SUCLG1: variants seen among roughly 807,000 people sequenced by gnomAD.
SUCLG1 encodes succinate--CoA ligase [ADP/GDP-forming] subunit alpha, mitochondrial.
In SUCLG1, 26 loss-of-function variants were observed where a neutral mutation model predicts 37.3. The ratio of observed to expected loss-of-function variants is 0.70; its 90% CI spans 0.51 to 0.97. The LOEUF (loss-of-function observed/expected upper bound fraction) is 0.97, where lower values mean the gene tolerates loss of function less well. Ranked by LOEUF, SUCLG1 falls within the 50% of genes least tolerant of loss-of-function variation. The pLI, the probability that SUCLG1 is intolerant of heterozygous loss-of-function variation, is 0.00. For missense variants in SUCLG1, 433 were observed against 432.9 expected (o/e 1.00, Z 0.00); for synonymous variants, 163 against 155.6 (o/e 1.05, Z -0.36).
intron 8 of SUCLG1, among the ~76,000 whole-genome samples, chr2:84,424,759 C>T (rs1257043080): frequency 1.3e-5 from 2 of 151,854 alleles, no homozygotes; most frequent in East Asian, 3.9e-4. Flanking sequence ...CTCAAAGAGA[C>T]AAGCTGAAAA....
At chr2:84,442,352 G>C (rs1435097805) in intron 3 of SUCLG1, among the ~76,000 whole-genome samples, 1 of 152,104 alleles carries the variant, frequency 6.6e-6, no homozygotes, top group Admixed American at 6.5e-5. Context: ...TTAAAAATAT[G>C]CAAAAGAAGA....
intron 1 of SUCLG1, among the ~76,000 whole-genome samples, chr2:84,451,859 T>C (rs984511124): frequency 3.9e-5 from 6 of 152,168 alleles, no homozygotes; most frequent in Non-Finnish European, 7.4e-5. Context: ...CAGACCCACT[T>C]CTAGATAAGC....
rs12104696 is a variant in SUCLG1, at chr2:84,423,980, G to A, written c.1015-208C>T. Among the ~76,000 whole-genome samples, 3,408 of 152,256 alleles carry A rather than the reference G, an allele frequency of 0.022. 119 individuals are homozygous for A. Among genetic ancestry groups the A allele is most frequent in the African/African-American group, 0.077 (3,209 of 41,532 alleles). The stretch of plus-strand genomic sequence containing the variant: ...CAGTCTGTGTCAGCCTGAATTTCAC[G>A]AAACAGATGCAGAGCTTCAACTTTA... On this transcript the variant is annotated intron_variant, in intron 8 of 8. Transcript: ENST00000393868.
At chr2:84,424,106 T>G (rs1672496048) in intron 8 of SUCLG1, among the ~76,000 whole-genome samples, 1 of 152,252 alleles carries the variant, frequency 6.6e-6, no homozygotes. Context: ...AACTTCATTA[T>G]GCTTCTGTAG....
chr2:84,442,928 C>T (rs1672796499), intron 3 of SUCLG1, among the ~76,000 whole-genome samples: 1 of 152,168 alleles, frequency 6.6e-6, no homozygotes. Context: ...GAGGCCTGAA[C>T]AGGGCAATTT....
At chr2:84,438,125 G>A (rs1672715092) in intron 5 of SUCLG1, among the ~76,000 whole-genome samples, 1 of 152,188 alleles carries the variant, frequency 6.6e-6, no homozygotes, top group Non-Finnish European at 1.5e-5. Context: ...TTATAGAAAA[G>A]TTCTCTATAT....
At chr2:84,452,564 C>G (rs1672956409) in intron 1 of SUCLG1, among the ~76,000 whole-genome samples, 1 of 152,216 alleles carries the variant, frequency 6.6e-6, no homozygotes, top group Admixed American at 6.5e-5. Flanking sequence ...ATAGAAGCTA[C>G]AAACGCTTTC....
At chr2:84,459,061 G>T in intron 1 of SUCLG1, 112 bp downstream of exon 1, 1 of 1,118,928 alleles carries the variant, frequency 8.9e-7, no homozygotes, top group South Asian at 1.7e-5. Flanking sequence ...CGGCTCCCAG[G>T]CCCCCGCCGA....
intron 5 of SUCLG1, among the ~76,000 whole-genome samples, chr2:84,438,365 A>T (rs888455525): frequency 2.0e-5 from 3 of 152,240 alleles, no homozygotes; most frequent in Non-Finnish European, 4.4e-5. Context: ...AAGAGAAATA[A>T]ATAACATGGT....
At chr2:84,428,183 T>A (rs761689151) in intron 7 of SUCLG1, among the ~76,000 whole-genome samples, 21 of 152,192 alleles carry the variant, frequency 1.4e-4, no homozygotes, top group Admixed American at 5.9e-4. Context: ...TTTTAAGATC[T>A]GACTCTAGCT....
At position 84,433,411 on chromosome 2, in the gene SUCLG1, A is replaced by G; in HGVS notation, c.614T>C (p.Leu205Pro). 1 of 1,613,958 alleles carries G rather than the reference A, an allele frequency of 6.2e-7. No homozygotes were observed. Among genetic ancestry groups the G allele is most frequent in the Non-Finnish European group, 8.5e-7 (1 of 1,179,894 alleles). The change falls in exon 6 of 9, where the codon CTG becomes CCG. Residue 205 changes from leucine (L) to proline (P), a missense_variant. Leu to Pro is a moderately conservative substitution (Grantham distance 98, BLOSUM62 -3). Transcript: ENST00000393868. ...TGTTTGGTGAACTGCTTCATAAGTC[A>G]GGGTGCCAGATCTGGACACAATGCC... is the stretch of plus-strand genomic sequence containing the variant. ...RIGIVSRSGT[L>P]TYEAVHQTTQ...
intron 1 of SUCLG1, among the ~76,000 whole-genome samples, chr2:84,452,486 T>A (rs1213885515): frequency 1.3e-5 from 2 of 152,182 alleles, no homozygotes; most frequent in Non-Finnish European, 2.9e-5. Context: ...AATTCCTATA[T>A]CTTCACACGA....
rs116291654 is a variant in SUCLG1, at chr2:84,428,400, G to A, written c.826-2797C>T. On this transcript the variant is annotated intron_variant, in intron 7 of 8. Transcript: ENST00000393868. The stretch of plus-strand genomic sequence containing the variant: ...CAGAGGTTATATTTTCACTAACTTC[G>A]GTATGCCTGGCACCTACTGTAGTAC... Among the ~76,000 whole-genome samples the A allele has an allele frequency of 6.3e-3, 954 of 152,056 alleles. 8 individuals carry two copies. The highest frequency in any genetic ancestry group is 0.022 in the African/African-American group (896 of 41,466).
chr2:84,459,193 A>G lies in SUCLG1; in HGVS notation c.77T>C (p.Leu26Pro). 6.5e-7 allele frequency: 1 copy of G among 1,549,928 alleles called. No homozygotes were observed. The highest frequency in any genetic ancestry group is 8.7e-7 in the Non-Finnish European group (1 of 1,146,602). ...CTCACGGAGGAAGCTGCGCGACAGG[A>G]GACGGGCGGCGGCGAGGCCGCTGCT... is the stretch of plus-strand genomic sequence containing the variant. ...SGSSGLAAAR[L>P]LSRSFLLPQN... The change falls in exon 1 of 9, where the codon CTC (leucine) becomes CCC (proline). Residue 26 changes from leucine (L) to proline (P), a missense_variant. Leu to Pro is a moderately conservative substitution (Grantham distance 98). Coordinates refer to ENST00000393868, the MANE Select transcript of SUCLG1 (RefSeq NM_003849.4).
chr2:84,449,574 T>C (rs1270910106), intron 2 of SUCLG1, 75 bp downstream of exon 2: 2 of 989,852 alleles, frequency 2.0e-6, no homozygotes, highest in Non-Finnish European at 3.0e-6. Flanking sequence ...ATTTTTGAGA[T>C]ATTAAAAATA....
chr2:84,442,355 AAAG>A (rs1027402988), intron 3 of SUCLG1, among the ~76,000 whole-genome samples: 2 of 152,198 alleles, frequency 1.3e-5, no homozygotes, highest in East Asian at 1.9e-4. Context: ...AAAATATGCA[AAAG>A]AAGAGAGGAA....
chr2:84,458,115 A>T (rs1366480513), intron 1 of SUCLG1, among the ~76,000 whole-genome samples: 5 of 151,890 alleles, frequency 3.3e-5, no homozygotes. Flanking sequence ...AAATTGCTCC[A>T]CTTATTCTGC....
intron 5 of SUCLG1, among the ~76,000 whole-genome samples, chr2:84,438,993 G>A (rs1227330822): frequency 1.3e-5 from 2 of 152,104 alleles, no homozygotes; most frequent in East Asian, 3.9e-4. Context: ...CTCAGGTCCT[G>A]TTCCATGCCA....
At chr2:84,449,124 T>C (rs1429990192) in intron 2 of SUCLG1, among the ~76,000 whole-genome samples, 1 of 152,212 alleles carries the variant, frequency 6.6e-6, no homozygotes, top group African/African-American at 2.4e-5. Flanking sequence ...CAGGCAATTC[T>C]GCCTGCTAGT....
Sources: allele counts gnomAD v4.1 joint callset (sites outside exome capture counted in the v4.1 genomes callset), GRCh38; gene constraint gnomAD v4.1.1; transcripts MANE v1.5; gene names NCBI Gene and HGNC (gene_info 2026-07-23, HGNC 2026-07-21).